The following SLC39A10 variants were observed in gnomAD, a reference collection of about 807,000 sequenced individuals.
SLC39A10 encodes zinc transporter ZIP10.
In SLC39A10, 13 loss-of-function variants were observed where a neutral mutation model predicts 65.1. That is an observed-to-expected ratio of 0.20 (90% confidence interval 0.13 to 0.32). The LOEUF (loss-of-function observed/expected upper bound fraction) is 0.32. Ranked by LOEUF, SLC39A10 falls within the 10% of genes least tolerant of loss-of-function variation. The pLI, the probability that SLC39A10 is intolerant of heterozygous loss-of-function variation, is 1.00. For missense variants in SLC39A10, 831 were observed against 1,018.4 expected (o/e 0.82, Z 2.50); for synonymous variants, 321 against 342.2 (o/e 0.94, Z 0.68).
chr2:195,674,314 G>A (rs986728673), intron 1 of SLC39A10, among the ~76,000 whole-genome samples: 2 of 151,954 alleles, frequency 1.3e-5, no homozygotes, highest in Non-Finnish European at 1.5e-5. Context: ...TTTTGTTCTC[G>A]TTGCCCAGGC....
chr2:195,704,166 C>T (rs941249732), intron 3 of SLC39A10, among the ~76,000 whole-genome samples: 1 of 152,014 alleles, frequency 6.6e-6, no homozygotes, highest in African/African-American at 2.4e-5. Flanking sequence ...TTTTTTTCTC[C>T]TAGAGTATCT....
intron 6 of SLC39A10, among the ~76,000 whole-genome samples, chr2:195,714,267 G>C (rs1691707883): frequency 6.6e-6 from 1 of 152,092 alleles, no homozygotes; most frequent in African/African-American, 2.4e-5. Flanking sequence ...TAGCTTGCTA[G>C]TGTCTCCTCC....
At chr2:195,614,035 C>T (rs1489790168) in intron 2 of SLC39A10, among the ~76,000 whole-genome samples, 3 of 152,100 alleles carry the variant, frequency 2.0e-5, no homozygotes, top group African/African-American at 7.2e-5. Flanking sequence ...TTGACAGTCT[C>T]TAGTCTCTAG....
chr2:195,652,174 C>A (rs11682150), upstream of SLC39A10, among the ~76,000 whole-genome samples: 94,235 of 152,010 alleles, frequency 0.62, 29,797 homozygotes, highest in Non-Finnish European at 0.69. Context: ...AGTTTATCTA[C>A]AGACCTGGAA....
At position 195,679,337 on chromosome 2, in the gene SLC39A10, C is replaced by T. The variant is rs1469053709; in HGVS notation, c.-11-695C>T. On this transcript the variant is annotated intron_variant, in intron 1 of 9. Coordinates refer to ENST00000359634, the MANE Select transcript of SLC39A10 (RefSeq NM_020342.3). ...GCACCAAGGAAAAGACCATCCTTTCCGGTTTTTAGCTTTTGTCTTCTGTTC... is the reference window on the plus strand; with the variant it reads ...GCACCAAGGAAAAGACCATCCTTTCTGGTTTTTAGCTTTTGTCTTCTGTTC... Among the ~76,000 whole-genome samples, 6 of 152,236 alleles carry T rather than the reference C, an allele frequency of 3.9e-5. No homozygotes were observed. In the South Asian group the frequency reaches 6.2e-4, roughly 16 times the overall value.
intron 3 of SLC39A10, among the ~76,000 whole-genome samples, chr2:195,691,806 T>C (rs1315096817): frequency 1.3e-5 from 2 of 152,262 alleles, no homozygotes; most frequent in African/African-American, 4.8e-5. Context: ...TTTCTCCCAC[T>C]CCGTGGGTTT....
upstream of SLC39A10, among the ~76,000 whole-genome samples, chr2:195,655,346 A>G (rs770654044): frequency 6.6e-6 from 1 of 152,220 alleles, no homozygotes; most frequent in Non-Finnish European, 1.5e-5. Flanking sequence ...AGCCTTGTAT[A>G]TCCATAACTA....
At chr2:195,624,966 A>C (rs899590578) in intron 2 of SLC39A10, among the ~76,000 whole-genome samples, 1 of 150,210 alleles carries the variant, frequency 6.7e-6, no homozygotes, top group Non-Finnish European at 1.5e-5. Flanking sequence ...TAATCCCAGC[A>C]CTTTGAAAGA....
chr2:195,643,165 A>G (rs1218310782), intron 2 of SLC39A10, among the ~76,000 whole-genome samples: 1 of 152,112 alleles, frequency 6.6e-6, no homozygotes, highest in Non-Finnish European at 1.5e-5. Flanking sequence ...AGTAACAGAG[A>G]AAGTAAATAG....
Position 195,629,163 on chromosome 2 carries a change from C to T in SLC39A10, c.-12+22930C>T, listed in dbSNP as rs544012084. Among the ~76,000 whole-genome samples the T allele has an allele frequency of 1.2e-4, 19 of 152,092 alleles. 1 individual carries two copies. In the South Asian group the frequency reaches 2.7e-3, roughly 22 times the overall value. On this transcript the variant is annotated intron_variant, in intron 2 of 2. Coordinates refer to the SLC39A10 transcript ENST00000458054. ...CAGCACTTTGGGAGGCCAAGGTGAG[C>T]GGATCACGAGGTCAGGAAATCGAGA...
At chr2:195,677,941 T>A (rs938102576) in intron 1 of SLC39A10, among the ~76,000 whole-genome samples, 2 of 152,012 alleles carry the variant, frequency 1.3e-5, no homozygotes, top group Non-Finnish European at 2.9e-5. Context: ...GTAAAAATGG[T>A]TTTACCATGT....
rs754720989 is a variant in SLC39A10 at position 195,706,677 on chromosome 2, C to T, written c.1278C>T (p.Ile426=). Residue 426 remains isoleucine, a synonymous_variant, in exon 4 of 10, where the codon ATC becomes ATT. Transcript: ENST00000359634. ...GCCTGCTTTCCTTGCTAGGCGTGAT[C>T]TTGGTTCCTATCATTAACCAAGGAT... The part of the protein sequence containing the change: ...VISLLSLLGV[I]LVPIINQGCF... 2 of 1,610,374 alleles carry T rather than the reference C, an allele frequency of 1.2e-6. No homozygotes were observed. Among genetic ancestry groups the T allele is most frequent in the Non-Finnish European group, 1.7e-6 (2 of 1,178,278 alleles).
intron 2 of SLC39A10, among the ~76,000 whole-genome samples, chr2:195,629,392 CAA>C (rs60548307): frequency 4.3e-4 from 34 of 79,756 alleles, no homozygotes; most frequent in African/African-American, 5.2e-4. Context: ...AGATTCCTTT[CAA>C]AAAAAAAAAA....
At chr2:195,630,459 T>G (rs898462895) in intron 2 of SLC39A10, among the ~76,000 whole-genome samples, 4 of 152,122 alleles carry the variant, frequency 2.6e-5, no homozygotes, top group Admixed American at 6.5e-5. Flanking sequence ...GTCCTCTTGG[T>G]TTTTCAGAGA....
chr2:195,673,452 C>A (rs1689955049), intron 1 of SLC39A10, among the ~76,000 whole-genome samples: 1 of 152,288 alleles, frequency 6.6e-6, no homozygotes, highest in Middle Eastern at 3.4e-3. Context: ...GCCACAGTGC[C>A]CAGCCCAAAG....
At chr2:195,731,453 T>C (rs1278509106) in intron 9 of SLC39A10, among the ~76,000 whole-genome samples, 2 of 152,202 alleles carry the variant, frequency 1.3e-5, no homozygotes, top group African/African-American at 4.8e-5. Flanking sequence ...ACCATTTTAC[T>C]TATTTATCGT....
chr2:195,652,889 A>C (rs755205396), upstream of SLC39A10, among the ~76,000 whole-genome samples: 6 of 152,198 alleles, frequency 3.9e-5, no homozygotes, highest in Non-Finnish European at 8.8e-5. Context: ...TGGTGGCATT[A>C]GATTCTCATA....
intron 8 of SLC39A10, among the ~76,000 whole-genome samples, chr2:195,720,216 T>C (rs1395573872): frequency 6.6e-6 from 1 of 152,256 alleles, no homozygotes; most frequent in Non-Finnish European, 1.5e-5. Context: ...TGTGAGCCAC[T>C]GCACCTGGCC....
chr2:195,685,132 G>A (rs185441082), intron 3 of SLC39A10, among the ~76,000 whole-genome samples: 395 of 151,984 alleles, frequency 2.6e-3, no homozygotes, highest in Admixed American at 5.9e-3. Context: ...AATCCTATGA[G>A]GGAGATATTA....
Sources: allele counts gnomAD v4.1 joint callset (sites outside exome capture counted in the v4.1 genomes callset), GRCh38; gene constraint gnomAD v4.1.1; transcripts MANE v1.5; gene names NCBI Gene and HGNC (gene_info 2026-07-23, HGNC 2026-07-21).